The following TFPT variants were observed in gnomAD, a reference collection of about 807,000 sequenced individuals.
The protein encoded by TFPT is TCF3 fusion partner, also known as INO80 complex subunit F.
In TFPT, 27 loss-of-function variants were observed where a neutral mutation model predicts 28.8. That is an observed-to-expected ratio of 0.94 (90% CI 0.69 to 1.29). The LOEUF (loss-of-function observed/expected upper bound fraction) is 1.29. Among genes scored for constraint, TFPT ranks in the 50% most tolerant of loss-of-function variants. The pLI, the probability that TFPT is intolerant of heterozygous loss-of-function variation, is 0.00. For missense variants in TFPT, 330 were observed against 338.0 expected (o/e 0.98, Z 0.19); for synonymous variants, 152 against 142.8 (o/e 1.06, Z -0.46).
chr19:54,113,032 A>G (rs2073497155), intron 2 of TFPT, among the ~76,000 whole-genome samples: 1 of 136,478 alleles, frequency 7.3e-6, no homozygotes, highest in Admixed American at 8.5e-5. Flanking sequence ...GGTGGAGGTT[A>G]CAGTGAGCTG....
chr19:54,107,181 A>G lies in TFPT; in HGVS notation c.643-12T>C. On this transcript the variant is annotated splice_polypyrimidine_tract_variant and intron_variant, in intron 5 of 5. Transcript: ENST00000391759. ...TCCTCAACCTTAATCTGCAGGAGAT[A>G]AGGAACAAGGTGTTAACAGGCCTGG... The G allele has an allele frequency of 6.2e-7, 1 of 1,610,532 alleles. No individual in the cohort carries two copies. Among genetic ancestry groups the G allele is most frequent in the Non-Finnish European group, 8.5e-7 (1 of 1,179,006 alleles).
At chr19:54,115,118 C>G (rs1378231726) in intron 1 of TFPT, 129 bp downstream of exon 1, 1 of 1,421,992 alleles carries the variant, frequency 7.0e-7, no homozygotes, top group South Asian at 1.2e-5. Context: ...TAAAAGGGTT[C>G]TAAGGTAAAG....
chr19:54,113,569 C>T (rs1568572707), intron 2 of TFPT, among the ~76,000 whole-genome samples: 2 of 152,146 alleles, frequency 1.3e-5, no homozygotes, highest in Non-Finnish European at 2.9e-5. Flanking sequence ...GATGCTGTTC[C>T]TCCCCCATTT....
chr19:54,112,853 G>A (rs1341586171), intron 2 of TFPT, among the ~76,000 whole-genome samples: 1 of 152,094 alleles, frequency 6.6e-6, no homozygotes, highest in Admixed American at 6.6e-5. Flanking sequence ...AGCACCTTGG[G>A]AGGCTGAGGT....
chr19:54,109,535 T>G (rs1262204582), intron 3 of TFPT, among the ~76,000 whole-genome samples: 1 of 151,736 alleles, frequency 6.6e-6, no homozygotes, highest in Non-Finnish European at 1.5e-5. Context: ...ACACTGCGAG[T>G]GGCAGGGGCA....
chr19:54,110,097 G>T lies in TFPT; in HGVS notation c.307C>A (p.Leu103Ile). The T allele has an allele frequency of 1.2e-6, 2 of 1,614,156 alleles. No homozygotes were observed. The highest frequency in any genetic ancestry group is 1.7e-6 in the Non-Finnish European group (2 of 1,180,032). ...CGAGTTATCCTCTGCACCTGATGGA[G>T]CCTGTTCAGGACCCGCTCGTTCACC... The part of the protein sequence containing the change: ...EQVNERVLNR[L>I]HQVQRITRRL... Residue 103 changes from leucine to isoleucine, a missense_variant, in exon 3 of 6, where the codon CTC becomes ATC. Physicochemically the swap from Leu to Ile is conservative, Grantham distance 5. Coordinates refer to ENST00000391759, the MANE Select transcript of TFPT (RefSeq NM_013342.4).
rs587655173 is a variant in TFPT at position 54,111,560 on chromosome 19, A to G, written c.283-1439T>C. ...CTGGGTATGGTGGCGCATGCCTGTA[A>G]TCCCAGTTTCTCAGGAGGCTGAGGC... On this transcript the variant is annotated intron_variant, in intron 2 of 5. Transcript: ENST00000391759. Among the ~76,000 whole-genome samples, 12 of 151,812 alleles carry G rather than the reference A, an allele frequency of 7.9e-5. No individual in the cohort carries two copies. The East Asian group carries it at 2.1e-3, about 27-fold the overall frequency.
At chr19:54,108,912 T>G (rs2073363696) in intron 3 of TFPT, 1 of 268,036 alleles carries the variant, frequency 3.7e-6, no homozygotes, top group South Asian at 4.5e-5. Flanking sequence ...GTTGTTGTTT[T>G]GCGACGGAAT....
At position 54,108,174 on chromosome 19, in the gene TFPT, G is replaced by A. The variant is rs2073334582; in HGVS notation, c.494C>T (p.Thr165Ile). ...NAENEPPEKE[T>I]LSPPRRTPAP... Reference sequence around the variant, plus strand: ...AGGAGTCCTTCTGGGCGGGGACAGTGTCTCTTTCTCTGGAGGCTCATTCTC... The same window carrying A: ...AGGAGTCCTTCTGGGCGGGGACAGTATCTCTTTCTCTGGAGGCTCATTCTC... The change falls in exon 5 of 6, where the codon ACA becomes ATA. Residue 165 changes from threonine to isoleucine, a missense_variant. Transcript: ENST00000391759. 6.3e-7 allele frequency: 1 copy of A among 1,595,056 alleles called. No individual in the cohort carries two copies. The highest frequency in any genetic ancestry group is 1.3e-5 in the African/African-American group (1 of 74,620).
intron 3 of TFPT, among the ~76,000 whole-genome samples, chr19:54,109,774 C>T (rs1338712266): frequency 1.3e-5 from 2 of 152,276 alleles, no homozygotes; most frequent in Non-Finnish European, 2.9e-5. Flanking sequence ...CCTGCTGTTC[C>T]CTCCCTTCAG....
chr19:54,113,880 A>G (rs587638838), intron 2 of TFPT, among the ~76,000 whole-genome samples: 3 of 152,198 alleles, frequency 2.0e-5, no homozygotes, highest in African/African-American at 7.2e-5. Context: ...TTTAGTAGAG[A>G]TGGGGTTTCA....
chr19:54,110,099 C>T lies in TFPT; in HGVS notation c.305G>A (p.Arg102Lys), dbSNP rs1244070857. ...AGTTATCCTCTGCACCTGATGGAGCCTGTTCAGGACCCGCTCGTTCACCTA... is the reference window on the plus strand; with the variant it reads ...AGTTATCCTCTGCACCTGATGGAGCTTGTTCAGGACCCGCTCGTTCACCTA... ...IEQVNERVLN[R>K]LHQVQRITRR... The change falls in exon 3 of 6, where the codon AGG (arginine) becomes AAG (lysine). Residue 102 changes from arginine (R) to lysine (K), a missense_variant. Transcript: ENST00000391759. The T allele has an allele frequency of 1.2e-6, 2 of 1,614,076 alleles. No individual in the cohort carries two copies. The highest frequency in any genetic ancestry group is 4.5e-5 in the East Asian group (2 of 44,884).
chr19:54,110,320 G>A (rs1305206935), intron 2 of TFPT, among the ~76,000 whole-genome samples, 199 bp from the exon 3 acceptor site: 2 of 151,962 alleles, frequency 1.3e-5, no homozygotes, highest in East Asian at 3.9e-4. Context: ...GGGGCCTTCC[G>A]CGTGCTGTTC....
intron 2 of TFPT, among the ~76,000 whole-genome samples, 198 bp from the exon 3 acceptor site, chr19:54,110,319 C>T (rs780292931): frequency 2.0e-5 from 3 of 152,100 alleles, no homozygotes; most frequent in Non-Finnish European, 2.9e-5. Flanking sequence ...GGGGGCCTTC[C>T]GCGTGCTGTT....
intron 3 of TFPT, chr19:54,108,826 A>G (rs2073361806): frequency 4.1e-6 from 2 of 483,560 alleles, no homozygotes; most frequent in Non-Finnish European, 7.3e-6. Flanking sequence ...TTTTTTCCCC[A>G]GCCCCTGCCT....
chr19:54,110,641 G>T (rs587639261), intron 2 of TFPT, among the ~76,000 whole-genome samples: 25 of 152,096 alleles, frequency 1.6e-4, no homozygotes, highest in African/African-American at 5.1e-4. Context: ...GTGGAGGGGT[G>T]AAGTGAGTTG....
chr19:54,108,821 T>G, intron 3 of TFPT: 1 of 493,928 alleles, frequency 2.0e-6, no homozygotes, highest in Non-Finnish European at 3.6e-6. Flanking sequence ...TTCTCTTTTT[T>G]CCCCAGCCCC....
chr19:54,110,948 T>C (rs1051713233), intron 2 of TFPT, among the ~76,000 whole-genome samples: 3 of 152,200 alleles, frequency 2.0e-5, no homozygotes, highest in Admixed American at 2.0e-4. Context: ...TCGATGAACA[T>C]TTGCAGAATC....
chr19:54,107,956 C>T, intron 5 of TFPT, 70 bp downstream of exon 5: 1 of 1,467,678 alleles, frequency 6.8e-7, no homozygotes, highest in Admixed American at 2.3e-5. Flanking sequence ...CCTTGAGTCC[C>T]CCCTCCTTAC....
Sources: gnomAD v4.1 joint callset for allele counts (sites outside exome capture counted in the v4.1 genomes callset) on GRCh38, gnomAD v4.1.1 for gene constraint, MANE v1.5 for transcripts, NCBI Gene and HGNC (gene_info 2026-07-23, HGNC 2026-07-21) for gene names.